MERTK: variants seen among roughly 807,000 people sequenced by gnomAD.
MERTK encodes the protein tyrosine-protein kinase Mer.
A neutral mutation model predicts 99.3 loss-of-function variants in MERTK; 69 were observed. That is an observed-to-expected ratio of 0.70 (90% CI 0.57 to 0.85). The LOEUF (loss-of-function observed/expected upper bound fraction) is 0.85. MERTK is among the 40% of genes least tolerant of loss of function. MERTK has a pLI of 0.00. For synonymous variants in MERTK, 426 were observed against 467.6 expected (o/e 0.91, Z 1.15); for missense variants, 1,125 against 1,249.4 (o/e 0.90, Z 1.50).
At chr2:111,901,663 C>T (rs1283034170) in intron 1 of MERTK, among the ~76,000 whole-genome samples, 3 of 150,552 alleles carry the variant, frequency 2.0e-5, no homozygotes, top group Non-Finnish European at 4.4e-5. Flanking sequence ...TCAAGTGATC[C>T]TCCCACCTCA....
chr2:112,028,772 TC>T lies in MERTK; in HGVS notation c.2911del (p.His971IlefsTer28). 6.2e-7 allele frequency: 1 copy of T among 1,614,130 alleles called. No individual in the cohort carries two copies. The highest frequency in any genetic ancestry group is 1.1e-5 in the South Asian group (1 of 91,088). ...ERLVRNGVSW[S>X]HSSMLPLGSS... Reference sequence around the variant, plus strand: ...ACTTGTTAGGAATGGGGTCTCCTGGTCCCATTCGAGCATGCTGCCCTTGGGA... The same window carrying T: ...ACTTGTTAGGAATGGGGTCTCCTGGTCCATTCGAGCATGCTGCCCTTGGGA... On this transcript the variant is annotated frameshift_variant, in exon 19 of 19. Transcript: ENST00000295408. LOFTEE classifies it low-confidence loss of function (END_TRUNC).
At chr2:111,920,292 C>T (rs1558771555) in intron 1 of MERTK, among the ~76,000 whole-genome samples, 1 of 152,194 alleles carries the variant, frequency 6.6e-6, no homozygotes, top group Non-Finnish European at 1.5e-5. Context: ...TGTGGCTGGG[C>T]TGTGACCTCT....
chr2:112,014,272 C>T (rs1269381194), intron 15 of MERTK, among the ~76,000 whole-genome samples: 2 of 152,118 alleles, frequency 1.3e-5, no homozygotes, highest in African/African-American at 2.4e-5. Context: ...CTGCCCACTT[C>T]GGCCTCCCAA....
intron 8 of MERTK, 127 bp from the exon 9 acceptor site, chr2:111,994,124 G>A (rs113264242): frequency 9.4e-7 from 1 of 1,065,092 alleles, no homozygotes. Flanking sequence ...ACAAAGGAAT[G>A]CTGTGGAAGT....
intron 1 of MERTK, among the ~76,000 whole-genome samples, chr2:111,902,913 G>T (rs1684072597): frequency 6.6e-6 from 1 of 151,742 alleles, no homozygotes; most frequent in Non-Finnish European, 1.5e-5. Flanking sequence ...CCAGTAGCTG[G>T]GATTACAGGC....
At chr2:112,009,886 A>C in intron 14 of MERTK, 62 bp from the exon 15 acceptor site, 2 of 1,285,306 alleles carry the variant, frequency 1.6e-6, no homozygotes, top group Non-Finnish European at 2.3e-6. Flanking sequence ...GTGGTCCACG[A>C]GGGCTTTTCT....
At position 111,910,688 on chromosome 2, in the gene MERTK, A is replaced by G. The variant is rs148643925; in HGVS notation, c.61+11892A>G. Among the ~76,000 whole-genome samples, 188 of 152,180 alleles carry G rather than the reference A, an allele frequency of 1.2e-3. 1 individual carries two copies. The highest frequency in any genetic ancestry group is 1.8e-3 in the Non-Finnish European group (122 of 68,016). On this transcript the variant is annotated intron_variant, in intron 1 of 18. Transcript: ENST00000295408. ...TAATGAAATCCTGTCATTGGTAGCA[A>G]CATGGATGGAACTGGAAGACATTTG...
At chr2:111,920,408 G>A (rs1684433355) in intron 1 of MERTK, among the ~76,000 whole-genome samples, 1 of 152,218 alleles carries the variant, frequency 6.6e-6, no homozygotes, top group Non-Finnish European at 1.5e-5. Flanking sequence ...CTCTTGCAGG[G>A]CTTTGCTACA....
At chr2:111,901,906 T>C (rs1684051410) in intron 1 of MERTK, among the ~76,000 whole-genome samples, 1 of 151,744 alleles carries the variant, frequency 6.6e-6, no homozygotes, top group Non-Finnish European at 1.5e-5. Context: ...GTTTTTGAGA[T>C]AGAGTTTCAC....
chr2:111,998,157 C>T (rs1573629975), intron 10 of MERTK, among the ~76,000 whole-genome samples: 1 of 152,272 alleles, frequency 6.6e-6, no homozygotes, highest in Non-Finnish European at 1.5e-5. Flanking sequence ...CCAGGCTACG[C>T]TTTATTTGTG....
At chr2:112,002,862 A>G (rs1017278844) in intron 11 of MERTK, among the ~76,000 whole-genome samples, 6 of 152,170 alleles carry the variant, frequency 3.9e-5, no homozygotes, top group Admixed American at 2.6e-4. Flanking sequence ...AGTCCCAGCT[A>G]CTTGGGAGGC....
At chr2:111,975,202 C>A in intron 6 of MERTK, 87 bp from the exon 7 acceptor site, 1 of 1,305,666 alleles carries the variant, frequency 7.7e-7, no homozygotes, top group Non-Finnish European at 1.1e-6. Context: ...AGAGGAAGGG[C>A]CACGTGCACC....
intron 8 of MERTK, among the ~76,000 whole-genome samples, chr2:111,990,982 G>A (rs1166267470): frequency 1.3e-5 from 2 of 152,160 alleles, no homozygotes; most frequent in Non-Finnish European, 2.9e-5. Flanking sequence ...ATTTGAGCCT[G>A]CAGCCAGAAG....
At chr2:111,977,579 C>G (rs1228202992) in intron 7 of MERTK, among the ~76,000 whole-genome samples, 1 of 152,028 alleles carries the variant, frequency 6.6e-6, no homozygotes, top group Non-Finnish European at 1.5e-5. Flanking sequence ...CTTCTGGGGT[C>G]TCTGTATTTG....
chr2:111,985,962 T>A (rs1170084544), intron 8 of MERTK, among the ~76,000 whole-genome samples: 1 of 152,208 alleles, frequency 6.6e-6, no homozygotes, highest in Non-Finnish European at 1.5e-5. Flanking sequence ...CATCCACTGA[T>A]GATGCTCAAG....
chr2:111,936,957 GC>G (rs1684775652), intron 2 of MERTK, among the ~76,000 whole-genome samples: 1 of 152,164 alleles, frequency 6.6e-6, no homozygotes, highest in Admixed American at 6.5e-5. Flanking sequence ...AAGGGCAGCA[GC>G]CACCAGACCA....
At chr2:111,976,522 C>CTGTGTGTGTGTGTG (rs70962971) in intron 7 of MERTK, among the ~76,000 whole-genome samples, 4 of 136,710 alleles carry the variant, frequency 2.9e-5, no homozygotes, top group South Asian at 2.4e-4. Context: ...TGACAAAAAC[C>CTGTGTGTGTGTGTG]TGTGTGTGTG....
chr2:111,980,393 C>T (rs1370149029), intron 7 of MERTK, among the ~76,000 whole-genome samples: 1 of 145,836 alleles, frequency 6.9e-6, no homozygotes, highest in Non-Finnish European at 1.5e-5. Context: ...AGAAGACAGA[C>T]TTTGAGACGC....
intron 1 of MERTK, among the ~76,000 whole-genome samples, chr2:111,901,221 A>T (rs1457728872): frequency 6.6e-6 from 1 of 152,206 alleles, no homozygotes; most frequent in Non-Finnish European, 1.5e-5. Context: ...ATGGAGCAAG[A>T]TAAATATAAA....
Sources: allele counts gnomAD v4.1 joint callset (sites outside exome capture counted in the v4.1 genomes callset), GRCh38; gene constraint gnomAD v4.1.1; transcripts MANE v1.5; gene names NCBI Gene and HGNC (gene_info 2026-07-23, HGNC 2026-07-21).